Variants in FMN1 observed in about 807,000 individuals in gnomAD.
The protein encoded by FMN1 is formin-1.
A neutral mutation model predicts 132.4 loss-of-function variants in FMN1; 110 were observed. The ratio of observed to expected loss-of-function variants is 0.83; its 90% confidence interval spans 0.71 to 0.97. FMN1 has a LOEUF of 0.97. FMN1 is among the 50% of genes least tolerant of loss of function. The probability of loss-of-function intolerance (pLI) is 0.00; values close to 1 mark genes in which losing one functional copy is unlikely to be tolerated. For synonymous variants in FMN1, 722 were observed against 651.7 expected (o/e 1.11, Z -1.64); for missense variants, 1,792 against 1,705.3 (o/e 1.05, Z -0.90).
chr15:32,958,177 T>C (rs2140547135), intron 9 of FMN1, among the ~76,000 whole-genome samples: 1 of 152,296 alleles, frequency 6.6e-6, no homozygotes, highest in South Asian at 2.1e-4. Flanking sequence ...AAGAAAACCA[T>C]GGATAATTAC....
intron 16 of FMN1, among the ~76,000 whole-genome samples, chr15:32,881,562 T>C (rs2059771259): frequency 6.6e-6 from 1 of 152,206 alleles, no homozygotes; most frequent in Admixed American, 6.5e-5. Context: ...GTTTCCAAAG[T>C]GACTTTTCCC....
chr15:33,011,324 C>T (rs1472944748), intron 6 of FMN1, among the ~76,000 whole-genome samples: 1 of 151,954 alleles, frequency 6.6e-6, no homozygotes, highest in Non-Finnish European at 1.5e-5. Flanking sequence ...ATGATCTTTT[C>T]AATAACTATT....
At chr15:33,099,793 A>C (rs891941627) in intron 4 of FMN1, among the ~76,000 whole-genome samples, 3 of 152,196 alleles carry the variant, frequency 2.0e-5, no homozygotes, top group Non-Finnish European at 4.4e-5. Flanking sequence ...ACTAAACAAA[A>C]AGGAATTTAA....
At chr15:33,161,201 G>T (rs1964876071) in intron 3 of FMN1, among the ~76,000 whole-genome samples, 1 of 152,118 alleles carries the variant, frequency 6.6e-6, no homozygotes, top group Non-Finnish European at 1.5e-5. Flanking sequence ...ATTTTTATTA[G>T]TTCAGTCAAA....
At chr15:32,847,581 G>A (rs540505472) in intron 17 of FMN1, among the ~76,000 whole-genome samples, 6 of 152,130 alleles carry the variant, frequency 3.9e-5, no homozygotes, top group South Asian at 2.1e-4. Context: ...AAGGCCGGGC[G>A]TGGTGGCTCA....
intron 4 of FMN1, chr15:33,106,360 G>A (rs1025614876): frequency 4.6e-5 from 7 of 151,634 alleles, no homozygotes; most frequent in Admixed American, 4.6e-4. Flanking sequence ...ATTTGGCATT[G>A]TCTCTGTGGC....
chr15:33,131,292 G>A (rs1001792961), intron 4 of FMN1, among the ~76,000 whole-genome samples: 23 of 137,046 alleles, frequency 1.7e-4, no homozygotes, highest in Non-Finnish European at 2.4e-4. Flanking sequence ...TCGCTCCACT[G>A]CACTCCAGCC....
At chr15:32,884,932 T>C (rs146691118) in intron 16 of FMN1, among the ~76,000 whole-genome samples, 1 of 152,218 alleles carries the variant, frequency 6.6e-6, no homozygotes, top group Non-Finnish European at 1.5e-5. Flanking sequence ...CTGTGCACTT[T>C]CCAGTGAAAG....
At chr15:33,144,493 C>T (rs1476394766) in intron 4 of FMN1, among the ~76,000 whole-genome samples, 3 of 151,782 alleles carry the variant, frequency 2.0e-5, no homozygotes, top group South Asian at 4.2e-4. Context: ...AAAAATTAGC[C>T]GGGCGTGGTG....
rs547187990 is a variant in FMN1 at position 33,025,425 on chromosome 15, G to C, written c.2162-17350C>G. 5.9e-4 allele frequency among the ~76,000 whole-genome samples: 89 copies of C among 152,096 alleles called. 1 individual carries two copies. In the South Asian group the frequency reaches 0.014, roughly 24 times the overall value. On this transcript the variant is annotated intron_variant, in intron 6 of 20. Transcript: ENST00000616417. ...ATCACTGACATATTTGCAAAAAATT[G>C]ATGATTCACAAAGAAAACCTTTCAA...
rs139593925 is a variant in FMN1 at position 32,944,860 on chromosome 15, C to T, written c.3139-18599G>A. Among the ~76,000 whole-genome samples the T allele has an allele frequency of 3.9e-5, 6 of 152,188 alleles. No homozygotes were observed. The East Asian group carries it at 1.2e-3, about 29-fold the overall frequency. On this transcript the variant is annotated intron_variant, in intron 9 of 20. Transcript: ENST00000616417. ...TAGAAGACAAACCCCCAAACAAAAT[C>T]ACATGCTTTTTCCTATTGATCATGG...
chr15:33,038,320 C>T (rs374681088), intron 6 of FMN1, among the ~76,000 whole-genome samples: 18 of 152,222 alleles, frequency 1.2e-4, no homozygotes, highest in East Asian at 3.8e-4. Context: ...TGCCGCCCTG[C>T]ATCTTCTGTG....
chr15:32,824,334 T>C (rs577410911), intron 17 of FMN1, among the ~76,000 whole-genome samples: 1 of 152,222 alleles, frequency 6.6e-6, no homozygotes, highest in Non-Finnish European at 1.5e-5. Context: ...AGTGCGTGCT[T>C]ACCTCACAGA....
intron 4 of FMN1, among the ~76,000 whole-genome samples, chr15:33,130,695 T>A (rs1283396066): frequency 6.6e-6 from 1 of 152,222 alleles, no homozygotes; most frequent in African/African-American, 2.4e-5. Flanking sequence ...TAAAAATAAT[T>A]TGAGTCTCCA....
At chr15:32,929,428 T>C (rs543166426) in intron 9 of FMN1, among the ~76,000 whole-genome samples, 4 of 152,338 alleles carry the variant, frequency 2.6e-5, no homozygotes, top group Non-Finnish European at 5.9e-5. Flanking sequence ...TTTCTCTTTA[T>C]TTTTATGAAA....
chr15:32,971,843 C>A (rs578071773), intron 7 of FMN1, among the ~76,000 whole-genome samples: 1 of 152,262 alleles, frequency 6.6e-6, no homozygotes, highest in South Asian at 2.1e-4. Flanking sequence ...AAGATGAAAT[C>A]TTGTATCTAG....
chr15:32,902,607 CAT>C (rs1232531763), intron 12 of FMN1, among the ~76,000 whole-genome samples: 2 of 152,202 alleles, frequency 1.3e-5, no homozygotes, highest in Admixed American at 1.3e-4. Flanking sequence ...AACTTACACA[CAT>C]AGACATAGTT....
rs1005032535 is a variant in FMN1 at position 33,107,684 on chromosome 15, G to T, written c.1868-18710C>A. Reference sequence around the variant, plus strand: ...GCTCAAATATCCTTCGAGCAGAAAGGCTTTCTTGTCACTGCCTTTTTGCCA... The same window carrying T: ...GCTCAAATATCCTTCGAGCAGAAAGTCTTTCTTGTCACTGCCTTTTTGCCA... On this transcript the variant is annotated intron_variant, in intron 4 of 20. Transcript: ENST00000616417. Among the ~76,000 whole-genome samples the T allele has an allele frequency of 7.2e-5, 11 of 152,116 alleles. No homozygotes were observed. The East Asian group carries it at 2.1e-3, about 29-fold the overall frequency.
chr15:32,995,291 C>A (rs1178175942), intron 7 of FMN1, among the ~76,000 whole-genome samples: 4 of 152,094 alleles, frequency 2.6e-5, no homozygotes, highest in Admixed American at 2.6e-4. Flanking sequence ...AAATCTAAGT[C>A]TTGGAAAGAA....
Sources: gnomAD v4.1 joint callset for allele counts (sites outside exome capture counted in the v4.1 genomes callset) on GRCh38, gnomAD v4.1.1 for gene constraint, MANE v1.5 for transcripts, NCBI Gene and HGNC (gene_info 2026-07-23, HGNC 2026-07-21) for gene names.